The following SCAF11 variants were observed in gnomAD, a reference collection of about 807,000 sequenced individuals.
SCAF11 encodes protein SCAF11.
A neutral mutation model predicts 140.5 loss-of-function variants in SCAF11; 47 were observed. The observed-to-expected ratio is 0.33, with a 90% confidence interval of 0.26 to 0.43. The LOEUF (loss-of-function observed/expected upper bound fraction) is 0.43, where lower values mean the gene tolerates loss of function less well. Among genes scored for constraint, SCAF11 ranks in the 20% least tolerant of loss-of-function variants. The probability of loss-of-function intolerance (pLI) is 1.00; values close to 1 mark genes in which losing one functional copy is unlikely to be tolerated. For synonymous variants in SCAF11, 557 were observed against 579.4 expected, an observed-to-expected ratio of 0.96 and a Z score of 0.55; for missense variants, 1,645 against 1,705.1, an observed-to-expected ratio of 0.96 and a Z score of 0.62.
chr12:45,983,833 C>T (rs1048360605), intron 1 of SCAF11, among the ~76,000 whole-genome samples: 1 of 149,780 alleles, frequency 6.7e-6, no homozygotes, highest in Admixed American at 6.7e-5. Flanking sequence ...AATAAAAAGA[C>T]AACCCTAAAA....
In SCAF11 at chr12:45,934,501, G is replaced by C. The variant is rs1184996439; in HGVS notation, c.468C>G (p.Asn156Lys). Reference protein sequence around the residue: ...KVCDLKWIHRNSLYSETGGKK... With the variant: ...KVCDLKWIHRKSLYSETGGKK... ...TTCCTCCTGTTTCACTGTATAAAGA[G>C]TTTCCTGTACAAAGACATAAAAGGA... is the stretch of plus-strand genomic sequence containing the variant. The change falls in exon 7 of 15, where the codon AAC (asparagine) becomes AAG (lysine). Residue 156 changes from asparagine to lysine, a missense_variant. Around this residue, in one of 2 missense-constraint regions of SCAF11, gnomAD observed 1,582 missense variants for 1,609.2 expected, o/e 0.98. Transcript: ENST00000369367. 1 of 1,582,012 alleles carries C rather than the reference G, an allele frequency of 6.3e-7. No homozygotes were observed. The highest frequency in any genetic ancestry group is 8.6e-7 in the Non-Finnish European group (1 of 1,169,126).
intron 5 of SCAF11, among the ~76,000 whole-genome samples, chr12:45,946,562 G>C (rs1175908068): frequency 6.6e-6 from 1 of 152,062 alleles, no homozygotes; most frequent in Admixed American, 6.5e-5. Context: ...TCAAATAAGA[G>C]CTGTGAGCCT....
In SCAF11 at chr12:45,961,760, A is replaced by C; in HGVS notation, c.159T>G (p.Val53=). The C allele has an allele frequency of 6.2e-7, 1 of 1,613,276 alleles. No individual in the cohort carries two copies. Among genetic ancestry groups the C allele is most frequent in the African/African-American group, 1.3e-5 (1 of 74,996 alleles). The change falls in exon 3 of 15, where the codon GTT becomes GTG. Residue 53 remains valine, a synonymous_variant. Coordinates refer to ENST00000369367, the MANE Select transcript of SCAF11 (RefSeq NM_004719.3). ...CATGATTACAGCTTTCTGGAAAACCAACTTCCTTTTCTAATAGACAATTAA... is the reference window on the plus strand; with the variant it reads ...CATGATTACAGCTTTCTGGAAAACCCACTTCCTTTTCTAATAGACAATTAA... ...ICLNCLLEKE[V]GFPESCNHVF...
rs1565688743 is a variant in SCAF11, at chr12:45,972,895, T to TATATATATATAGATATATATATAG, written c.-21-8708_-21-8707insCTATATATATATCTATATATATAT. ...ATATATATATAGATATATATATAGA[T>TATATATATATAGATATATATATAG]ATATATATATATAGATATATATATA... On this transcript the variant is annotated intron_variant, in intron 1 of 14. Transcript: ENST00000369367. Among the ~76,000 whole-genome samples, 26 of 32,910 alleles carry TATATATATATAGATATATATATAG rather than the reference T, an allele frequency of 7.9e-4. 1 individual carries two copies. Among genetic ancestry groups the TATATATATATAGATATATATATAG allele is most frequent in the African/African-American group, 4.2e-3 (17 of 4,096 alleles). The allele number at this position is 32,910 out of a possible 152,430, so 21.6% of individuals were successfully genotyped here. A position where few individuals can be genotyped will look rare whatever the true frequency, so the allele number is the denominator to read the frequency against.
rs200069087 is a variant in SCAF11, at chr12:45,972,865, GATATATATAT to G, written c.-21-8687_-21-8678del. ...TAAAGCCAGTATATATATATATATC[GATATATATAT>G]ATATAGATATATATATAGATATATA... On this transcript the variant is annotated intron_variant, in intron 1 of 14. Coordinates refer to ENST00000369367, the MANE Select transcript of SCAF11 (RefSeq NM_004719.3). Among the ~76,000 whole-genome samples, 178 of 83,626 alleles carry G rather than the reference GATATATATAT, an allele frequency of 2.1e-3. 5 individuals carry two copies. The highest frequency in any genetic ancestry group is 7.1e-3 in the Middle Eastern group (1 of 140). 54.9% of individuals were successfully genotyped at this position (83,626 alleles called of 152,430 possible). A position where few individuals can be genotyped will look rare whatever the true frequency, so the allele number is the denominator to read the frequency against.
chr12:45,921,856 GGGAA>G lies in SCAF11; in HGVS notation c.*188_*191del, dbSNP rs1944721995. 1.7e-6 allele frequency: 1 copy of G among 578,222 alleles called. No individual in the cohort carries two copies. The highest frequency in any genetic ancestry group is 3.5e-5 in the Admixed American group (1 of 28,776). 35.8% of individuals were successfully genotyped at this position (578,222 alleles called of 1,614,324 possible). On this transcript the variant is annotated 3_prime_UTR_variant, in exon 15 of 15. Transcript: ENST00000369367. ...TTGAATTTTGTGGGGGAGGGTGGAGGGGAAGGAAGGATACAGAAGTTGCAGTGCA... is the reference window on the plus strand; with the variant it reads ...TTGAATTTTGTGGGGGAGGGTGGAGGGGAAGGATACAGAAGTTGCAGTGCA...
chr12:45,951,170 T>A (rs901158980), intron 4 of SCAF11, among the ~76,000 whole-genome samples: 3 of 152,128 alleles, frequency 2.0e-5, no homozygotes, highest in African/African-American at 7.2e-5. Context: ...AATTATTGTT[T>A]TTCAGGAAAA....
chr12:45,959,343 T>A (rs1945770857), intron 3 of SCAF11, among the ~76,000 whole-genome samples: 1 of 152,174 alleles, frequency 6.6e-6, no homozygotes, highest in South Asian at 2.1e-4. Flanking sequence ...GATTTTAACG[T>A]CAGGCTATCC....
intron 6 of SCAF11, among the ~76,000 whole-genome samples, chr12:45,943,118 T>C (rs571847771): frequency 5.9e-5 from 9 of 152,304 alleles, no homozygotes; most frequent in African/African-American, 1.9e-4. Context: ...TATTTCAATA[T>C]AGGAAGAAAA....
At chr12:45,940,411 G>A (rs1945269080) in intron 6 of SCAF11, among the ~76,000 whole-genome samples, 1 of 152,236 alleles carries the variant, frequency 6.6e-6, no homozygotes, top group South Asian at 2.1e-4. Flanking sequence ...CAACCATAAA[G>A]TGAGAGGCTT....
chr12:45,929,976 T>C (rs1286817103), intron 10 of SCAF11: 4 of 152,250 alleles, frequency 2.6e-5, no homozygotes, highest in Non-Finnish European at 5.9e-5. Flanking sequence ...ACCAGACTCC[T>C]TACTGATAAC....
intron 3 of SCAF11, among the ~76,000 whole-genome samples, chr12:45,954,497 T>C (rs1234919043): frequency 6.6e-6 from 1 of 151,942 alleles, no homozygotes; most frequent in Non-Finnish European, 1.5e-5. Context: ...TTGGAGGGGT[T>C]AATGGCGTGA....
intron 9 of SCAF11, among the ~76,000 whole-genome samples, chr12:45,932,210 T>A (rs1945062190): frequency 6.6e-6 from 1 of 152,132 alleles, no homozygotes; most frequent in Non-Finnish European, 1.5e-5. Flanking sequence ...CTCGACCTGG[T>A]GATGGCTCTT....
At chr12:45,990,960 C>T (rs140862415), upstream of SCAF11, among the ~76,000 whole-genome samples, 701 of 152,374 alleles carry the variant, frequency 4.6e-3, 4 homozygotes, top group Non-Finnish European at 8.5e-3. Context: ...GGCAGTTTTA[C>T]AGGCTGCGTC....
intron 3 of SCAF11, chr12:45,955,995 AT>A (rs1053603440): frequency 4.6e-6 from 3 of 657,154 alleles, no homozygotes; most frequent in East Asian, 2.7e-5. Flanking sequence ...ATAGAAAAAA[AT>A]AATCTTCCTA....
intron 14 of SCAF11, 31 bp downstream of exon 14, chr12:45,922,432 G>A (rs369281583): frequency 1.6e-4 from 256 of 1,589,604 alleles, no homozygotes; most frequent in Non-Finnish European, 2.0e-4. Context: ...TCAAAACAAC[G>A]TGCACATACT....
chr12:45,963,548 GT>G (rs1945872561), intron 2 of SCAF11, among the ~76,000 whole-genome samples: 1 of 152,020 alleles, frequency 6.6e-6, no homozygotes, highest in Non-Finnish European at 1.5e-5. Flanking sequence ...AAAATTCAGA[GT>G]TTACCACCAA....
intron 1 of SCAF11, among the ~76,000 whole-genome samples, chr12:45,981,770 G>A (rs1167166896): frequency 1.3e-5 from 2 of 152,116 alleles, no homozygotes; most frequent in African/African-American, 4.8e-5. Flanking sequence ...ATTCCAGCCA[G>A]GGGACAGAGT....
At chr12:45,955,140 T>C (rs958067753) in intron 3 of SCAF11, 1 of 152,112 alleles carries the variant, frequency 6.6e-6, no homozygotes, top group African/African-American at 2.4e-5. Flanking sequence ...ATAAGTTAAT[T>C]TTCTTTGACA....
Sources: allele counts gnomAD v4.1 joint callset (sites outside exome capture counted in the v4.1 genomes callset), GRCh38; gene constraint gnomAD v4.1.1; regional missense constraint gnomAD v4.1.1; transcripts MANE v1.5; gene names NCBI Gene and HGNC (gene_info 2026-07-23, HGNC 2026-07-21).